SMYD2: variants seen among roughly 807,000 people sequenced by gnomAD.
SMYD2 encodes the protein N-lysine methyltransferase SMYD2.
In SMYD2, 53 loss-of-function variants were observed where a neutral mutation model predicts 59.1. The observed-to-expected ratio is 0.90, with a 90% CI of 0.72 to 1.13. The LOEUF is 1.13. Among genes scored for constraint, SMYD2 ranks in the 50% most tolerant of loss-of-function variants. The probability of loss-of-function intolerance (pLI) is 0.00; values close to 1 mark genes in which losing one functional copy is unlikely to be tolerated. For synonymous variants in SMYD2, 208 were observed against 198.8 expected, an observed-to-expected ratio of 1.05 and a Z score of -0.39; for missense variants, 494 against 544.7, an observed-to-expected ratio of 0.91 and a Z score of 0.93.
intron 5 of SMYD2, among the ~76,000 whole-genome samples, chr1:214,321,615 A>G (rs1657174046): frequency 6.6e-6 from 1 of 152,212 alleles, no homozygotes; most frequent in African/African-American, 2.4e-5. Context: ...ACCTGGCAGC[A>G]GCTGGCAGCA....
At chr1:214,330,853 C>A in intron 8 of SMYD2, 97 bp from the exon 9 acceptor site, 1 of 1,567,500 alleles carries the variant, frequency 6.4e-7, no homozygotes, top group South Asian at 1.2e-5. Flanking sequence ...GGGCCAGTGT[C>A]GACCGCTGTG....
At chr1:214,314,705 A>C (rs1251077080) in intron 2 of SMYD2, 57 bp from the exon 3 acceptor site, 3 of 1,358,062 alleles carry the variant, frequency 2.2e-6, no homozygotes, top group South Asian at 1.2e-5. Flanking sequence ...CTCTCCTCTC[A>C]CACTTTATTC....
chr1:214,288,849 C>A (rs1656591548), intron 1 of SMYD2, among the ~76,000 whole-genome samples: 1 of 151,288 alleles, frequency 6.6e-6, no homozygotes, highest in Non-Finnish European at 1.5e-5. Flanking sequence ...TACGCTAGGA[C>A]TAAACCAGAG....
chr1:214,317,517 A>G (rs1657105881), intron 3 of SMYD2, among the ~76,000 whole-genome samples: 1 of 152,164 alleles, frequency 6.6e-6, no homozygotes, highest in Non-Finnish European at 1.5e-5. Flanking sequence ...GTCAACACCA[A>G]GTTTATTCAT....
intron 2 of SMYD2, among the ~76,000 whole-genome samples, chr1:214,307,806 C>T (rs1656938157): frequency 6.6e-6 from 1 of 152,188 alleles, no homozygotes; most frequent in Non-Finnish European, 1.5e-5. Context: ...GAGGGGTGTC[C>T]TCCCTTGGGG....
At chr1:214,302,360 G>GT (rs1465374716) in intron 1 of SMYD2, among the ~76,000 whole-genome samples, 1 of 150,986 alleles carries the variant, frequency 6.6e-6, no homozygotes, top group East Asian at 1.9e-4. Context: ...AAAATACAGT[G>GT]TTTCCTGAGC....
At chr1:214,306,262 A>C in intron 2 of SMYD2, among the ~76,000 whole-genome samples, 1 of 149,104 alleles carries the variant, frequency 6.7e-6, no homozygotes, top group African/African-American at 2.5e-5. Flanking sequence ...TGGATTACCC[A>C]CTATTTCATT....
chr1:214,296,463 G>T (rs76551085), intron 1 of SMYD2, among the ~76,000 whole-genome samples: 134 of 152,202 alleles, frequency 8.8e-4, no homozygotes, highest in African/African-American at 3.0e-3. Context: ...ATAAAACAAA[G>T]GCTTTAGAAA....
intron 5 of SMYD2, among the ~76,000 whole-genome samples, chr1:214,322,423 T>G (rs1431453782): frequency 6.6e-6 from 1 of 152,224 alleles, no homozygotes; most frequent in Non-Finnish European, 1.5e-5. Flanking sequence ...AAAAATAATA[T>G]GCCAAGTCTT....
chr1:214,300,610 T>C (rs768351136), intron 1 of SMYD2, among the ~76,000 whole-genome samples: 2 of 152,188 alleles, frequency 1.3e-5, no homozygotes, highest in Non-Finnish European at 2.9e-5. Flanking sequence ...GTTGTTACTA[T>C]TAGCTTATCC....
intron 1 of SMYD2, among the ~76,000 whole-genome samples, chr1:214,300,659 C>T (rs1008830520): frequency 6.6e-6 from 1 of 152,152 alleles, no homozygotes; most frequent in East Asian, 1.9e-4. Flanking sequence ...GTGGAGTCTA[C>T]CCTCCTGAAC....
intron 1 of SMYD2, among the ~76,000 whole-genome samples, chr1:214,290,911 G>T (rs1656626667): frequency 6.6e-6 from 1 of 152,186 alleles, no homozygotes; most frequent in African/African-American, 2.4e-5. Flanking sequence ...GGTGATGTTT[G>T]GATAGGAAAC....
At chr1:214,305,120 C>G in intron 1 of SMYD2, 67 bp from the exon 2 acceptor site, 1 of 1,482,186 alleles carries the variant, frequency 6.7e-7, no homozygotes. Context: ...TTTGTTGTTG[C>G]ATGATAAAAT....
At position 214,312,841 on chromosome 1, in the gene SMYD2, C is replaced by T. The variant is rs1657019203; in HGVS notation, c.238-1921C>T. Among the ~76,000 whole-genome samples, 1 of 152,206 alleles carries T rather than the reference C, an allele frequency of 6.6e-6. No homozygotes were observed. Among genetic ancestry groups the T allele is most frequent in the South Asian group, 2.1e-4 (1 of 4,832 alleles). Reference sequence around the variant, plus strand: ...ATGAGAAAAGCCATTAGGTTTTGAGCTGAGGACTGGCCTGATCCGAGTTTT... The same window carrying T: ...ATGAGAAAAGCCATTAGGTTTTGAGTTGAGGACTGGCCTGATCCGAGTTTT... On this transcript the variant is annotated intron_variant, in intron 2 of 11. Transcript: ENST00000366957. The surrounding 1 kb of genome is among the most constrained non-coding windows in gnomAD (Gnocchi z 4.1).
At chr1:214,299,768 A>C (rs950434663) in intron 1 of SMYD2, among the ~76,000 whole-genome samples, 1 of 152,048 alleles carries the variant, frequency 6.6e-6, no homozygotes, top group Non-Finnish European at 1.5e-5. Context: ...CACCACGCCC[A>C]GCTAATTTTT....
At chr1:214,304,171 C>T (rs975537679) in intron 1 of SMYD2, among the ~76,000 whole-genome samples, 6 of 152,044 alleles carry the variant, frequency 3.9e-5, no homozygotes, top group Non-Finnish European at 5.9e-5. Context: ...TAAGTTGAAT[C>T]GACCCCATTA....
chr1:214,294,144 C>T (rs1327763389), intron 1 of SMYD2, among the ~76,000 whole-genome samples: 4 of 152,140 alleles, frequency 2.6e-5, no homozygotes, highest in Admixed American at 6.5e-5. Context: ...AAATGTTCTC[C>T]GTTCAGAGAA....
intron 2 of SMYD2, among the ~76,000 whole-genome samples, chr1:214,310,645 T>A (rs1025407753): frequency 6.6e-6 from 1 of 151,716 alleles, no homozygotes; most frequent in African/African-American, 2.4e-5. Context: ...TAAAAAAGCA[T>A]AAAGAGTTGC....
Position 214,281,376 on chromosome 1 carries a change from A to G in SMYD2, c.122A>G (p.Tyr41Cys), listed in dbSNP as rs1656439513. 1 of 1,460,782 alleles carries G rather than the reference A, an allele frequency of 6.8e-7. No homozygotes were observed. Among genetic ancestry groups the G allele is most frequent in the South Asian group, 1.5e-5 (1 of 68,410 alleles). The allele number at this position is 1,460,782 out of a possible 1,614,324, so 90.5% of individuals were successfully genotyped here. The part of the protein sequence containing the change: ...DLLFSCPAYA[Y>C]VLTVNERGNH... ...CTGTTCTCCTGCCCGGCCTATGCCT[A>G]CGTGCTCACGGTCAACGAGCGGGGC... The change falls in exon 1 of 12, where the codon TAC becomes TGC. Residue 41 changes from tyrosine to cysteine, a missense_variant. Transcript: ENST00000366957.
Sources: gnomAD v4.1 joint callset for allele counts (sites outside exome capture counted in the v4.1 genomes callset) on GRCh38, gnomAD v4.1.1 for gene constraint, Gnocchi (gnomAD v3.1) non-coding constraint, MANE v1.5 for transcripts, NCBI Gene and HGNC (gene_info 2026-07-23, HGNC 2026-07-21) for gene names.